Variants in FBXO22 observed in about 807,000 individuals in gnomAD.
The protein encoded by FBXO22 is F-box only protein 22.
Under a neutral mutation model 37.2 loss-of-function variants are expected in FBXO22, and 13 were observed. The observed-to-expected ratio is 0.35, with a 90% CI of 0.23 to 0.56. FBXO22 has a LOEUF of 0.56. Ranked by LOEUF, FBXO22 falls within the 20% of genes least tolerant of loss-of-function variation. The pLI is 0.87. For missense variants in FBXO22, 446 were observed against 509.9 expected (o/e 0.87, Z 1.21); for synonymous variants, 189 against 189.1 (o/e 1.00, Z 0.00).
rs762118114 is a variant in FBXO22 at position 75,904,017 on chromosome 15, G to A, written c.54G>A (p.Arg18=). The A allele has an allele frequency of 1.3e-5, 20 of 1,578,854 alleles. No homozygotes were observed. In the Middle Eastern group the frequency reaches 6.8e-4, roughly 54 times the overall value. ...GECRGSSVDP[R]STFVLSNLAE... Reference sequence around the variant, plus strand: ...GCCGCGGCTCCTCCGTAGACCCGCGGAGCACCTTCGTGTTGAGTAACCTGG... The same window carrying A: ...GCCGCGGCTCCTCCGTAGACCCGCGAAGCACCTTCGTGTTGAGTAACCTGG... Residue 18 remains arginine (R), a synonymous_variant, in exon 1 of 7, where the codon CGG becomes CGA. Transcript: ENST00000308275.
intron 5 of FBXO22, among the ~76,000 whole-genome samples, chr15:75,917,801 GGTTA>G (rs1855841169): frequency 6.6e-6 from 1 of 152,068 alleles, no homozygotes; most frequent in Admixed American, 6.5e-5. Flanking sequence ...AGAATACGCG[GGTTA>G]GTTCTTTGTG....
chr15:75,905,973 CTA>C (rs1418845357), intron 2 of FBXO22, among the ~76,000 whole-genome samples: 25 of 152,236 alleles, frequency 1.6e-4, no homozygotes, highest in African/African-American at 5.8e-4. Context: ...TCATTTGAAA[CTA>C]TGTAAATATC....
Sources: allele counts gnomAD v4.1 joint callset (sites outside exome capture counted in the v4.1 genomes callset), GRCh38; gene constraint gnomAD v4.1.1; transcripts MANE v1.5; gene names NCBI Gene and HGNC (gene_info 2026-07-23, HGNC 2026-07-21).